Variants in CTIF observed in about 807,000 individuals in gnomAD.
CTIF encodes the protein cap binding complex dependent translation initiation factor.
CTIF carries 21 observed loss-of-function variants against 66.0 expected under a neutral mutation model. The ratio of observed to expected loss-of-function variants is 0.32; its 90% CI spans 0.23 to 0.46. The LOEUF is 0.46. Ranked by LOEUF, CTIF falls within the 20% of genes least tolerant of loss-of-function variation. The probability of loss-of-function intolerance (pLI) is 1.00; values close to 1 mark genes in which losing one functional copy is unlikely to be tolerated. For synonymous variants in CTIF, 345 were observed against 326.4 expected (o/e 1.06, Z -0.62); for missense variants, 739 against 812.7 (o/e 0.91, Z 1.10).
At chr18:48,601,968 C>T (rs8090689) in intron 1 of CTIF, among the ~76,000 whole-genome samples, 8,539 of 152,260 alleles carry the variant, frequency 0.056, 768 homozygotes, top group African/African-American at 0.19. Flanking sequence ...GCTCGTTTCA[C>T]TGATGCTAGG....
intron 7 of CTIF, among the ~76,000 whole-genome samples, chr18:48,753,720 G>C (rs1392741357): frequency 1.3e-5 from 2 of 152,182 alleles, no homozygotes; most frequent in African/African-American, 4.8e-5. Context: ...GAAATAAAGA[G>C]GCAGAGAGTT....
intron 9 of CTIF, among the ~76,000 whole-genome samples, chr18:48,767,207 A>T (rs778584251): frequency 2.6e-5 from 4 of 152,198 alleles, no homozygotes; most frequent in Admixed American, 6.5e-5. Context: ...AGAAGGAACC[A>T]AAAGTTTCCT....
At chr18:48,833,675 G>A (rs1355990881) in intron 10 of CTIF, among the ~76,000 whole-genome samples, 2 of 152,154 alleles carry the variant, frequency 1.3e-5, no homozygotes, top group African/African-American at 2.4e-5. Flanking sequence ...AAGGGTGCTT[G>A]GGATTTGGGA....
At chr18:48,698,479 C>T (rs2145353453) in intron 6 of CTIF, among the ~76,000 whole-genome samples, 1 of 152,334 alleles carries the variant, frequency 6.6e-6, no homozygotes, top group African/African-American at 2.4e-5. Context: ...TCCCAAAGTG[C>T]TGGGATTACA....
At chr18:48,821,739 G>T (rs1448869609) in intron 10 of CTIF, among the ~76,000 whole-genome samples, 3 of 152,262 alleles carry the variant, frequency 2.0e-5, no homozygotes, top group African/African-American at 7.2e-5. Flanking sequence ...AGCTGCAGGA[G>T]TCTCCTTGCT....
intron 1 of CTIF, among the ~76,000 whole-genome samples, chr18:48,616,390 A>C (rs1441304976): frequency 6.6e-6 from 1 of 152,218 alleles, no homozygotes; most frequent in East Asian, 1.9e-4. Context: ...GAATAAGCAC[A>C]TGCTCAGCAC....
intron 1 of CTIF, among the ~76,000 whole-genome samples, chr18:48,551,688 ACT>A (rs1400596574): frequency 6.6e-6 from 1 of 151,978 alleles, no homozygotes; most frequent in Non-Finnish European, 1.5e-5. Flanking sequence ...GCCTGTGTGG[ACT>A]CTGGCCTGCA....
rs578195853 is a variant in CTIF at position 48,609,047 on chromosome 18, C to G, written c.-28-10491C>G. Among the ~76,000 whole-genome samples, 5 of 152,334 alleles carry G rather than the reference C, an allele frequency of 3.3e-5. No individual in the cohort carries two copies. The East Asian group carries it at 9.6e-4, about 29-fold the overall frequency. On this transcript the variant is annotated intron_variant, in intron 1 of 11. Transcript: ENST00000256413. ...TAATTTTCATTCTTGGCCAATAAAC[C>G]CAGAAGCTTTTGACAGCTGGTGGTG... is the stretch of plus-strand genomic sequence containing the variant.
intron 6 of CTIF, among the ~76,000 whole-genome samples, chr18:48,696,853 A>G (rs894810029): frequency 6.6e-6 from 1 of 152,222 alleles, no homozygotes; most frequent in South Asian, 2.1e-4. Flanking sequence ...GGAGCTAAGT[A>G]GTGGGCCTAA....
intron 2 of CTIF, among the ~76,000 whole-genome samples, chr18:48,625,407 A>C (rs2090576023): frequency 6.6e-6 from 1 of 152,252 alleles, no homozygotes; most frequent in African/African-American, 2.4e-5. Flanking sequence ...AAATTATTTT[A>C]AATTATACAA....
At chr18:48,727,395 C>G (rs1403296143) in intron 7 of CTIF, among the ~76,000 whole-genome samples, 1 of 152,144 alleles carries the variant, frequency 6.6e-6, no homozygotes, top group African/African-American at 2.4e-5. Flanking sequence ...GTCATCCTTC[C>G]TTTTCTATGA....
intron 7 of CTIF, among the ~76,000 whole-genome samples, chr18:48,731,173 G>T (rs1466958675): frequency 6.6e-6 from 1 of 152,096 alleles, no homozygotes; most frequent in Non-Finnish European, 1.5e-5. Context: ...GAGGCAGACA[G>T]TGCCTACCCT....
chr18:48,568,285 A>T (rs374268263), intron 1 of CTIF: 14 of 152,178 alleles, frequency 9.2e-5, no homozygotes, highest in African/African-American at 3.4e-4. Context: ...CCAGAGGACC[A>T]GGGAGGATGG....
chr18:48,802,420 GAA>G lies in CTIF; in HGVS notation c.1372-14800_1372-14799del, dbSNP rs1166009106. Among the ~76,000 whole-genome samples, 5 of 152,366 alleles carry G rather than the reference GAA, an allele frequency of 3.3e-5. No individual in the cohort carries two copies. In the East Asian group the frequency reaches 9.6e-4, roughly 29 times the overall value. ...GCCCTCTCCTCTGAGGACCTGGAGG[GAA>G]GTGTAAGGCAGGGGTGGGTGGCTGT... On this transcript the variant is annotated intron_variant, in intron 9 of 11. Coordinates refer to ENST00000256413, the MANE Select transcript of CTIF (RefSeq NM_014772.3).
intron 2 of CTIF, among the ~76,000 whole-genome samples, chr18:48,625,577 C>G (rs1363715122): frequency 6.6e-6 from 1 of 152,130 alleles, no homozygotes; most frequent in Non-Finnish European, 1.5e-5. Flanking sequence ...ATAGGTATGA[C>G]TTGAAGAAAT....
rs529540741 is a variant in CTIF, at chr18:48,711,651, C to T, written c.540C>T (p.Ile180=). ...GYHPMPHEVE[I]AHTKKLFRRR... ...ACCCGATGCCCCATGAAGTGGAGAT[C>T]GCACACACCAAGAAGCTGTTCCGCA... is the stretch of plus-strand genomic sequence containing the variant. Residue 180 remains isoleucine (I), a synonymous_variant, in exon 7 of 12, where the codon ATC becomes ATT. Coordinates refer to ENST00000256413, the MANE Select transcript of CTIF (RefSeq NM_014772.3). 26 of 1,614,000 alleles carry T rather than the reference C, an allele frequency of 1.6e-5. No individual in the cohort carries two copies. The highest frequency in any genetic ancestry group is 1.5e-4 in the South Asian group (14 of 91,068).
intron 1 of CTIF, among the ~76,000 whole-genome samples, chr18:48,593,538 T>C (rs1270686670): frequency 6.6e-6 from 1 of 151,730 alleles, no homozygotes; most frequent in African/African-American, 2.4e-5. Flanking sequence ...CCTGCCACAA[T>C]GCCCGGCTAA....
chr18:48,585,939 TA>T (rs1267293840), intron 1 of CTIF, among the ~76,000 whole-genome samples: 1 of 152,224 alleles, frequency 6.6e-6, no homozygotes, highest in Non-Finnish European at 1.5e-5. Flanking sequence ...AGTTGAGTTT[TA>T]AAAAATAACT....
chr18:48,779,703 G>C (rs140410982), intron 9 of CTIF, among the ~76,000 whole-genome samples: 3 of 152,192 alleles, frequency 2.0e-5, no homozygotes, highest in Admixed American at 1.3e-4. Context: ...TGCCGGGGGT[G>C]GGGGAGAGTC....
Sources: gnomAD v4.1 joint callset for allele counts (sites outside exome capture counted in the v4.1 genomes callset) on GRCh38, gnomAD v4.1.1 for gene constraint, MANE v1.5 for transcripts, NCBI Gene and HGNC (gene_info 2026-07-23, HGNC 2026-07-21) for gene names.